The following NELL2 variants were observed in gnomAD, a reference collection of about 807,000 sequenced individuals.
NELL2 encodes protein kinase C-binding protein NELL2.
A neutral mutation model predicts 109.6 loss-of-function variants in NELL2; 41 were observed. The ratio of observed to expected loss-of-function variants is 0.37; its 90% CI spans 0.29 to 0.49. The LOEUF is 0.49. Among genes scored for constraint, NELL2 ranks in the 20% least tolerant of loss-of-function variants. The pLI is 0.98. For missense variants in NELL2, 900 were observed against 1,008.3 expected, an observed-to-expected ratio of 0.89 and a Z score of 1.45; for synonymous variants, 355 against 344.7, an observed-to-expected ratio of 1.03 and a Z score of -0.33.
chr12:44,562,726 A>G (rs1035240698), intron 15 of NELL2, among the ~76,000 whole-genome samples: 2 of 152,248 alleles, frequency 1.3e-5, no homozygotes, highest in Non-Finnish European at 2.9e-5. Context: ...GTGGGAGTGT[A>G]AATTAGTTCA....
chr12:44,906,335 G>T (rs1945718909), intron 1 of NELL2, among the ~76,000 whole-genome samples: 2 of 151,986 alleles, frequency 1.3e-5, no homozygotes, highest in Non-Finnish European at 2.9e-5. Flanking sequence ...GAAATTTAGG[G>T]TTTTCTTTAA....
chr12:44,543,623 C>A (rs570848599), intron 15 of NELL2, among the ~76,000 whole-genome samples: 1 of 152,150 alleles, frequency 6.6e-6, no homozygotes, highest in Non-Finnish European at 1.5e-5. Context: ...AGCCCTTTCC[C>A]TGTGTATGGC....
upstream of NELL2, chr12:44,914,070 A>G (rs1234915733): frequency 4.5e-6 from 1 of 223,486 alleles, no homozygotes; most frequent in East Asian, 1.4e-4. Flanking sequence ...GGTCTAAGTC[A>G]TCATCCTAAC....
intron 13 of NELL2, among the ~76,000 whole-genome samples, chr12:44,627,519 A>G (rs1007205266): frequency 2.6e-5 from 4 of 152,142 alleles, no homozygotes; most frequent in African/African-American, 9.7e-5. Context: ...CTTATTACTT[A>G]TTTCATTTCA....
intron 13 of NELL2, among the ~76,000 whole-genome samples, chr12:44,657,984 G>A (rs769077055): frequency 2.0e-5 from 3 of 152,034 alleles, no homozygotes; most frequent in Non-Finnish European, 4.4e-5. Context: ...TAAGACTTTG[G>A]GTATATACCC....
intron 15 of NELL2, among the ~76,000 whole-genome samples, chr12:44,550,402 C>T (rs987042981): frequency 6.9e-6 from 1 of 144,518 alleles, no homozygotes; most frequent in Non-Finnish European, 1.5e-5. Flanking sequence ...AACATGCCAC[C>T]ATGCCAGGCT....
At chr12:44,768,881 A>G (rs1377626310) in intron 9 of NELL2, among the ~76,000 whole-genome samples, 2 of 152,140 alleles carry the variant, frequency 1.3e-5, no homozygotes, top group Non-Finnish European at 2.9e-5. Context: ...AGTACATCCT[A>G]AATATTTCCC....
intron 15 of NELL2, among the ~76,000 whole-genome samples, chr12:44,580,465 C>T (rs1021313648): frequency 5.3e-5 from 8 of 152,032 alleles, no homozygotes; most frequent in African/African-American, 1.7e-4. Context: ...GCCTGTAATC[C>T]CAGCACTTTG....
chr12:44,565,692 C>A (rs1303447557), intron 15 of NELL2, among the ~76,000 whole-genome samples: 1 of 152,078 alleles, frequency 6.6e-6, no homozygotes, highest in African/African-American at 2.4e-5. Context: ...TTGGAATAAC[C>A]TAATTTTAAA....
rs149636895 is a variant in NELL2, at chr12:44,867,057, T to C, written c.184+8168A>G. Among the ~76,000 whole-genome samples the C allele has an allele frequency of 2.0e-4, 31 of 152,202 alleles. No individual in the cohort carries two copies. In the East Asian group the frequency reaches 5.8e-3, roughly 28 times the overall value. On this transcript the variant is annotated intron_variant, in intron 2 of 19. Coordinates refer to ENST00000429094, the MANE Select transcript of NELL2 (RefSeq NM_001145108.2). ...CTGATGGCTTCACTGCTAAACTCTA[T>C]TTAAATAACCAATACCAATCCTTCT...
At chr12:44,891,478 G>C (rs906143458) in intron 1 of NELL2, among the ~76,000 whole-genome samples, 1 of 152,164 alleles carries the variant, frequency 6.6e-6, no homozygotes, top group Admixed American at 6.5e-5. Context: ...CTGGAGCTCG[G>C]ACCCAATGGG....
rs556748664 is a variant in NELL2, at chr12:44,586,763, A to T, written c.1663+20406T>A. On this transcript the variant is annotated intron_variant, in intron 15 of 19. Coordinates refer to ENST00000429094, the MANE Select transcript of NELL2 (RefSeq NM_001145108.2). ...TCTATAGCATATTAGCGTTTAAATT[A>T]TTAAGATATAAGGGTTATTTTTTGA... Among the ~76,000 whole-genome samples the T allele has an allele frequency of 1.9e-3, 292 of 152,322 alleles. 2 individuals are homozygous for T. The highest frequency in any genetic ancestry group is 3.4e-3 in the Middle Eastern group (1 of 294).
chr12:44,920,153 G>A (rs1361695682), intron 1 of NELL2, among the ~76,000 whole-genome samples: 3 of 152,160 alleles, frequency 2.0e-5, no homozygotes, highest in Non-Finnish European at 4.4e-5. Flanking sequence ...AGAAAATAGG[G>A]AGAATTTTGA....
At chr12:44,872,075 A>G (rs1945179048) in intron 2 of NELL2, among the ~76,000 whole-genome samples, 1 of 152,152 alleles carries the variant, frequency 6.6e-6, no homozygotes, top group Non-Finnish European at 1.5e-5. Flanking sequence ...TCCCTCATGT[A>G]CAGAGAGGAA....
intron 3 of NELL2, among the ~76,000 whole-genome samples, chr12:44,801,388 A>G (rs1178643542): frequency 6.6e-6 from 1 of 152,100 alleles, no homozygotes; most frequent in African/African-American, 2.4e-5. Flanking sequence ...GATTATTATT[A>G]TTATCTTCAA....
intron 3 of NELL2, among the ~76,000 whole-genome samples, chr12:44,794,903 CT>C (rs1200076347): frequency 4.1e-4 from 60 of 144,596 alleles, no homozygotes; most frequent in African/African-American, 1.5e-3. Flanking sequence ...CATATCTTGT[CT>C]CCCTGATTTG....
At chr12:44,575,276 A>G (rs1944032947) in intron 15 of NELL2, among the ~76,000 whole-genome samples, 1 of 152,260 alleles carries the variant, frequency 6.6e-6, no homozygotes, top group Admixed American at 6.5e-5. Flanking sequence ...TAACTTACTT[A>G]AAACTTGAGA....
intron 9 of NELL2, among the ~76,000 whole-genome samples, chr12:44,750,739 C>T (rs1245554485): frequency 2.0e-5 from 3 of 151,988 alleles, no homozygotes; most frequent in African/African-American, 7.2e-5. Flanking sequence ...AATAGATATA[C>T]CGCACATATC....
At chr12:44,545,618 A>C (rs140034882) in intron 15 of NELL2, among the ~76,000 whole-genome samples, 210 of 152,224 alleles carry the variant, frequency 1.4e-3, no homozygotes, top group African/African-American at 4.8e-3. Context: ...GTTCAAAGAA[A>C]ATTAGTCCAC....
Sources: gnomAD v4.1 joint callset for allele counts (sites outside exome capture counted in the v4.1 genomes callset) on GRCh38, gnomAD v4.1.1 for gene constraint, MANE v1.5 for transcripts, NCBI Gene and HGNC (gene_info 2026-07-23, HGNC 2026-07-21) for gene names.